The following HYCC2 variants were observed in gnomAD, a reference collection of about 807,000 sequenced individuals.
HYCC2 encodes hyccin PI4KA lipid kinase complex subunit 2.
chr2:201,056,674 C>CAAAA, the HYCC2 span, among the ~76,000 whole-genome samples: 1 of 68,956 alleles, frequency 1.5e-5, no homozygotes, highest in African/African-American at 5.9e-5. Flanking sequence ...AACTCCATCT[C>CAAAA]AAAAAAAAAA....
chr2:201,057,057 C>T, the HYCC2 span, among the ~76,000 whole-genome samples: 1 of 152,240 alleles, frequency 6.6e-6, no homozygotes, highest in Non-Finnish European at 1.5e-5. Flanking sequence ...GCTATGCCCT[C>T]TCTGCAGATG....
At chr2:200,983,897 A>C in the HYCC2 span, among the ~76,000 whole-genome samples, 1 of 152,232 alleles carries the variant, frequency 6.6e-6, no homozygotes, top group South Asian at 2.1e-4. Context: ...AAAAAAGATG[A>C]TAACATAAAA....
the HYCC2 span, among the ~76,000 whole-genome samples, chr2:201,055,006 T>A: frequency 1.3e-5 from 2 of 152,106 alleles, no homozygotes; most frequent in Non-Finnish European, 2.9e-5. Flanking sequence ...ACTGAATAAA[T>A]AAATGTTTAA....
the HYCC2 span, chr2:200,981,329 G>C: frequency 6.2e-7 from 1 of 1,614,082 alleles, no homozygotes; most frequent in South Asian, 1.1e-5. The surrounding 1 kb of genome is among the most constrained non-coding windows in gnomAD (Gnocchi z 4.5). Context: ...TTGGTCAAGG[G>C]GGCTCCTGGG....
At chr2:201,049,959 CA>C in the HYCC2 span, among the ~76,000 whole-genome samples, 8 of 152,098 alleles carry the variant, frequency 5.3e-5, no homozygotes, top group Non-Finnish European at 1.0e-4. Flanking sequence ...CTCAGCCTGC[CA>C]AAGTGCTGGG....
At chr2:201,042,489 G>A in the HYCC2 span, among the ~76,000 whole-genome samples, 28 of 150,232 alleles carry the variant, frequency 1.9e-4, no homozygotes, top group African/African-American at 5.4e-4. Flanking sequence ...CTGCCCCGCC[G>A]CGACCCCGTC....
chr2:200,980,536 G>A, the HYCC2 span: 3 of 152,554 alleles, frequency 2.0e-5, no homozygotes, highest in Non-Finnish European at 4.4e-5. Flanking sequence ...GGGAAGACAC[G>A]TTAATAATGA....
the HYCC2 span, among the ~76,000 whole-genome samples, chr2:201,000,966 T>A: frequency 7.1e-6 from 1 of 139,894 alleles, no homozygotes; most frequent in Non-Finnish European, 1.5e-5. Context: ...AAACCCTGTC[T>A]CTACAAAAAA....
At chr2:201,036,014 T>TGG in the HYCC2 span, among the ~76,000 whole-genome samples, 7 of 151,924 alleles carry the variant, frequency 4.6e-5, no homozygotes, top group African/African-American at 1.7e-4. Context: ...CTGTCCCTAC[T>TGG]GGGGGGGTGC....
At chr2:200,998,090 A>G in the HYCC2 span, among the ~76,000 whole-genome samples, 1 of 152,202 alleles carries the variant, frequency 6.6e-6, no homozygotes, top group Non-Finnish European at 1.5e-5. Context: ...CCTATGAATA[A>G]GTCTACCATC....
At chr2:201,021,279 C>T in the HYCC2 span, among the ~76,000 whole-genome samples, 2,290 of 152,192 alleles carry the variant, frequency 0.015, 36 homozygotes, top group Non-Finnish European at 0.023. Context: ...TTAGAGCCTT[C>T]TAACCTGACA....
chr2:201,041,629 C>A, the HYCC2 span, among the ~76,000 whole-genome samples: 1 of 152,198 alleles, frequency 6.6e-6, no homozygotes, highest in Non-Finnish European at 1.5e-5. Flanking sequence ...GGGTTTGTAA[C>A]TTCTTTATCA....
the HYCC2 span, chr2:200,997,375 G>T: frequency 8.9e-7 from 1 of 1,128,574 alleles, no homozygotes; most frequent in Non-Finnish European, 1.3e-6. Flanking sequence ...AACAGTGCTT[G>T]GCTTAGAGAA....
the HYCC2 span, chr2:201,009,110 T>G: frequency 7.3e-7 from 1 of 1,362,508 alleles, no homozygotes; most frequent in Non-Finnish European, 1.1e-6. Context: ...AGGTACAGTA[T>G]GAGACAATGT....
At chr2:200,981,127 C>T in the HYCC2 span, 1 of 973,326 alleles carries the variant, frequency 1.0e-6, no homozygotes, top group South Asian at 1.6e-5. The surrounding 1 kb of genome is among the most constrained non-coding windows in gnomAD (Gnocchi z 4.5). Flanking sequence ...TGTTTTGATA[C>T]AAAATACAGT....
At chr2:201,055,927 A>C in the HYCC2 span, among the ~76,000 whole-genome samples, 2 of 152,072 alleles carry the variant, frequency 1.3e-5, no homozygotes, top group Non-Finnish European at 1.5e-5. Flanking sequence ...GGTGGCTCAC[A>C]CCTGTAATCC....
chr2:201,017,102 G>A, the HYCC2 span: 1 of 1,614,036 alleles, frequency 6.2e-7, no homozygotes, highest in Non-Finnish European at 8.5e-7. Context: ...ACTGCAGTGT[G>A]AACCTCTTAA....
the HYCC2 span, among the ~76,000 whole-genome samples, chr2:201,028,102 G>A: frequency 2.6e-5 from 4 of 152,152 alleles, no homozygotes; most frequent in African/African-American, 9.7e-5. Context: ...AAGCTGATAA[G>A]CAACTTCAGC....
chr2:201,046,108 T>C, the HYCC2 span, among the ~76,000 whole-genome samples: 4 of 152,214 alleles, frequency 2.6e-5, no homozygotes, highest in Admixed American at 1.3e-4. Flanking sequence ...GAAAAACTTA[T>C]CTTTTTTAGA....
Sources: allele counts gnomAD v4.1 joint callset (sites outside exome capture counted in the v4.1 genomes callset), GRCh38; gene constraint gnomAD v4.1.1; non-coding constraint Gnocchi (gnomAD v3.1); transcripts MANE v1.5; gene names NCBI Gene and HGNC (gene_info 2026-07-23, HGNC 2026-07-21).